Variants in RPS6KA2 observed in about 807,000 individuals in gnomAD.
RPS6KA2 encodes the protein ribosomal protein S6 kinase A2.
A neutral mutation model predicts 91.8 loss-of-function variants in RPS6KA2; 42 were observed. The observed-to-expected ratio is 0.46, with a 90% CI of 0.36 to 0.59. The LOEUF (loss-of-function observed/expected upper bound fraction) is 0.59, where lower values mean the gene tolerates loss of function less well. Ranked by LOEUF, RPS6KA2 falls within the 20% of genes least tolerant of loss-of-function variation. The probability of loss-of-function intolerance (pLI) is 0.00; values close to 1 mark genes in which losing one functional copy is unlikely to be tolerated. For missense variants in RPS6KA2, 798 were observed against 978.5 expected (o/e 0.82, Z 2.46); for synonymous variants, 414 against 393.6 (o/e 1.05, Z -0.61).
chr6:166,627,020 C>T lies in RPS6KA2; in HGVS notation c.-1G>A, dbSNP rs758333509. 184 of 1,482,714 alleles carry T rather than the reference C, an allele frequency of 1.2e-4. No homozygotes were observed. Among genetic ancestry groups the T allele is most frequent in the Middle Eastern group, 1.9e-4 (1 of 5,134 alleles). The allele number at this position is 1,482,714 out of a possible 1,614,324, so 91.8% of individuals were successfully genotyped here. A position where few individuals can be genotyped will look rare whatever the true frequency, so the allele number is the denominator to read the frequency against. ...CGAACTTCTTCATGCTCAGGTCCAT[C>T]GCCCCGCGCCCAGCCCGGAGCAGCC... On this transcript the variant is annotated 5_prime_UTR_variant, in exon 1 of 21. Coordinates refer to ENST00000265678, the MANE Select transcript of RPS6KA2 (RefSeq NM_021135.6).
At position 166,432,410 on chromosome 6, in the gene RPS6KA2, G is replaced by T. The variant is rs781510495; in HGVS notation, c.1413C>A (p.Thr471=). The stretch of plus-strand genomic sequence containing the variant: ...CACGGGGACCACTCACATCCTTGAG[G>T]GTGATGATGTTCGGGTGCTGGCCGT... The part of the protein sequence containing the change: ...LRYGQHPNII[T]LKDVYDDGKF... Residue 471 remains threonine, a synonymous_variant, in exon 15 of 21, where the codon ACC becomes ACA. Transcript: ENST00000265678. 1.2e-6 allele frequency: 2 copies of T among 1,609,336 alleles called. No homozygotes were observed. The highest frequency in any genetic ancestry group is 1.7e-6 in the Non-Finnish European group (2 of 1,175,884).
At chr6:166,769,140 G>A (rs1030861791) in intron 2 of RPS6KA2, among the ~76,000 whole-genome samples, 3 of 152,200 alleles carry the variant, frequency 2.0e-5, no homozygotes, top group African/African-American at 4.8e-5. Context: ...CAATGGCTGT[G>A]CCATTGGCCC....
chr6:166,584,784 C>T (rs1002149093), intron 1 of RPS6KA2, among the ~76,000 whole-genome samples: 1 of 152,208 alleles, frequency 6.6e-6, no homozygotes, highest in East Asian at 1.9e-4. Flanking sequence ...GCTCAGAAAG[C>T]GTTCCAATAG....
chr6:166,604,876 A>C (rs561847221), intron 1 of RPS6KA2, among the ~76,000 whole-genome samples: 2 of 152,278 alleles, frequency 1.3e-5, no homozygotes, highest in Admixed American at 1.3e-4. Flanking sequence ...GAATGAGACT[A>C]AATATAGGGA....
At chr6:166,705,372 C>T (rs915829502) in intron 2 of RPS6KA2, among the ~76,000 whole-genome samples, 2 of 152,208 alleles carry the variant, frequency 1.3e-5, no homozygotes, top group Non-Finnish European at 2.9e-5. Flanking sequence ...CAGCAGCCTC[C>T]TCCCTGGCCA....
intron 2 of RPS6KA2, among the ~76,000 whole-genome samples, chr6:166,743,849 G>C (rs113328260): frequency 0.15 from 22,027 of 151,102 alleles, 1,772 homozygotes; most frequent in Admixed American, 0.18. Flanking sequence ...CAGGGCTTTG[G>C]CTGGTGGTCA....
At chr6:166,786,613 T>C (rs1213729843) in intron 2 of RPS6KA2, among the ~76,000 whole-genome samples, 1 of 152,172 alleles carries the variant, frequency 6.6e-6, no homozygotes, top group East Asian at 1.9e-4. Context: ...TTAATAGATA[T>C]TGCCATTTTA....
Position 166,626,877 on chromosome 6 carries a change from G to C in RPS6KA2, c.99+44C>G. On this transcript the variant is annotated intron_variant, in intron 1 of 20. Transcript: ENST00000265678. This position sits in a 1 kb window ranked among gnomAD's most constrained non-coding sequence, Gnocchi z 4.1. ...AGGCGGGCTCGGGCGACCACGGCCCGCTCAGTGCCCGGCACCTGCGCGCCC... is the reference window on the plus strand; with the variant it reads ...AGGCGGGCTCGGGCGACCACGGCCCCCTCAGTGCCCGGCACCTGCGCGCCC... The C allele has an allele frequency of 7.1e-7, 1 of 1,412,504 alleles. No homozygotes were observed. Among genetic ancestry groups the C allele is most frequent in the South Asian group, 1.5e-5 (1 of 68,404 alleles). The allele number at this position is 1,412,504 out of a possible 1,614,324, so 87.5% of individuals were successfully genotyped here.
chr6:166,638,546 AC>A (rs1787320877), intron 2 of RPS6KA2, among the ~76,000 whole-genome samples: 1 of 152,174 alleles, frequency 6.6e-6, no homozygotes, highest in Admixed American at 6.5e-5. Flanking sequence ...CAGGCGAAAG[AC>A]GGATCTAAAA....
chr6:166,689,114 G>T (rs1403603184), intron 2 of RPS6KA2, among the ~76,000 whole-genome samples: 1 of 152,254 alleles, frequency 6.6e-6, no homozygotes, highest in Non-Finnish European at 1.5e-5. Flanking sequence ...CAGGGCTCTG[G>T]CCGCCCTGTG....
intron 1 of RPS6KA2, among the ~76,000 whole-genome samples, chr6:166,606,565 G>A (rs969653765): frequency 1.3e-5 from 2 of 152,118 alleles, no homozygotes; most frequent in East Asian, 1.9e-4. Flanking sequence ...AACCCACTAC[G>A]GGGAAAAGTA....
At chr6:166,501,037 G>A (rs931972277) in intron 6 of RPS6KA2, 113 bp from the exon 7 acceptor site, 2 of 921,826 alleles carry the variant, frequency 2.2e-6, no homozygotes, top group Non-Finnish European at 3.4e-6. Context: ...TTTTCAGGGA[G>A]CCCTGATGGA....
chr6:166,824,938 G>T (rs13195301), intron 2 of RPS6KA2, among the ~76,000 whole-genome samples: 1 of 152,316 alleles, frequency 6.6e-6, no homozygotes, highest in East Asian at 1.9e-4. Context: ...AATCACATCA[G>T]GACAGTTGCA....
intron 2 of RPS6KA2, among the ~76,000 whole-genome samples, chr6:166,747,967 T>G (rs926388): frequency 4.6e-5 from 7 of 152,142 alleles, no homozygotes; most frequent in Non-Finnish European, 7.3e-5. Flanking sequence ...GGTGTGTGCT[T>G]GACATTCTGC....
chr6:166,510,110 A>C (rs1385716068), intron 4 of RPS6KA2, among the ~76,000 whole-genome samples, 167 bp downstream of exon 4: 1 of 152,158 alleles, frequency 6.6e-6, no homozygotes, highest in Non-Finnish European at 1.5e-5. Flanking sequence ...AATACAGAAG[A>C]GATTAAGTGA....
chr6:166,714,812 G>A (rs1458289065), intron 2 of RPS6KA2, among the ~76,000 whole-genome samples: 1 of 152,230 alleles, frequency 6.6e-6, no homozygotes, highest in East Asian at 1.9e-4. Context: ...CACAGTTTGT[G>A]GAACTTTGTT....
chr6:166,422,716 GAC>G (rs1236224840), intron 17 of RPS6KA2, among the ~76,000 whole-genome samples: 2 of 152,206 alleles, frequency 1.3e-5, no homozygotes, highest in Non-Finnish European at 2.9e-5. Flanking sequence ...GCTGGGAGCA[GAC>G]ACAGACACTG....
At chr6:166,594,081 A>G (rs948563488) in intron 1 of RPS6KA2, among the ~76,000 whole-genome samples, 3 of 152,210 alleles carry the variant, frequency 2.0e-5, no homozygotes, top group Non-Finnish European at 2.9e-5. Flanking sequence ...AATGAATTTA[A>G]TATTAAAATA....
At chr6:166,633,497 G>A (rs1412414974) in intron 2 of RPS6KA2, among the ~76,000 whole-genome samples, 2 of 152,208 alleles carry the variant, frequency 1.3e-5, no homozygotes, top group African/African-American at 4.8e-5. Flanking sequence ...TACTTCTGTG[G>A]AAAATAAATC....
Sources: allele counts gnomAD v4.1 joint callset (sites outside exome capture counted in the v4.1 genomes callset), GRCh38; gene constraint gnomAD v4.1.1; non-coding constraint Gnocchi (gnomAD v3.1); transcripts MANE v1.5; gene names NCBI Gene and HGNC (gene_info 2026-07-23, HGNC 2026-07-21).